RMDN1: variants seen among roughly 807,000 people sequenced by gnomAD.
The protein encoded by RMDN1 is regulator of microtubule dynamics protein 1.
In RMDN1, 48 loss-of-function variants were observed where a neutral mutation model predicts 48.9. The ratio of observed to expected loss-of-function variants is 0.98; its 90% CI spans 0.78 to 1.25. The LOEUF is 1.25. RMDN1 is among the 50% of genes most tolerant of loss of function. The probability of loss-of-function intolerance (pLI) is 0.00; values close to 1 mark genes in which losing one functional copy is unlikely to be tolerated. For missense variants in RMDN1, 418 were observed against 373.4 expected (o/e 1.12, Z -0.98); for synonymous variants, 148 against 132.6 (o/e 1.12, Z -0.80).
chr8:86,505,419 C>G (rs1819157142), intron 2 of RMDN1: 1 of 455,234 alleles, frequency 2.2e-6, no homozygotes, highest in African/African-American at 2.0e-5. Context: ...CGCAGTTCCC[C>G]CAACCTCAGA....
At chr8:86,504,051 C>T (rs1818857616) in intron 2 of RMDN1, 3 of 836,160 alleles carry the variant, frequency 3.6e-6, no homozygotes, top group Non-Finnish European at 6.4e-6. Context: ...GCACTCTCAA[C>T]CAGCTGGGCA....
At chr8:86,496,813 CT>C (rs1817435773) in intron 2 of RMDN1, among the ~76,000 whole-genome samples, 1 of 152,030 alleles carries the variant, frequency 6.6e-6, no homozygotes, top group South Asian at 2.1e-4. Flanking sequence ...ACAAGGTACC[CT>C]ACCCAAGAAC....
rs150282224 is a variant in RMDN1, at chr8:86,474,323, G to T, written c.930C>A (p.Phe310Leu). ...QTEAAQLLTS[F>L]SEKN is the part of the protein sequence containing the mutation. ...TGAAAAGTTCTCAATTCTTCTCACT[G>T]AAACTTGTAAGCAACTGAGCAGCTT... is the stretch of plus-strand genomic sequence containing the variant. The change falls in exon 10 of 10, where the codon TTC (phenylalanine) becomes TTA (leucine). Residue 310 changes from phenylalanine to leucine, a missense_variant. By Grantham distance (22) the Phe-to-Leu change is conservative. Transcript: ENST00000406452. 1.4e-5 allele frequency: 22 copies of T among 1,613,676 alleles called. No homozygotes were observed. In the East Asian group the frequency reaches 4.7e-4, roughly 34 times the overall value.
chr8:86,504,753 T>C, intron 2 of RMDN1: 1 of 1,057,742 alleles, frequency 9.5e-7, no homozygotes. Flanking sequence ...GGCCGAACTC[T>C]TCAGCCAGGG....
chr8:86,512,724 A>AGTAGGCAATGAGGAT (rs6150687), upstream of RMDN1, among the ~76,000 whole-genome samples: 1 of 152,036 alleles, frequency 6.6e-6, no homozygotes, highest in Admixed American at 6.6e-5. Context: ...CAATGCACAT[A>AGTAGGCAATGAGGAT]GTGTTTGTTG....
downstream of RMDN1, chr8:86,468,440 A>T: frequency 2.3e-6 from 1 of 439,408 alleles, no homozygotes; most frequent in Non-Finnish European, 4.5e-6. Context: ...AATTAAAAAA[A>T]AAATTCTAAT....
chr8:86,508,661 G>A lies in RMDN1; in HGVS notation c.-41C>T. On this transcript the variant is annotated 5_prime_UTR_variant, in exon 1 of 10. Transcript: ENST00000406452. ...GGCTGACCCTGCACTACTTCAGGCA[G>A]CTACGGAGGCGGGCGGGGCTAAAGG... is the stretch of plus-strand genomic sequence containing the variant. 1.9e-6 allele frequency: 3 copies of A among 1,558,254 alleles called. No individual in the cohort carries two copies. The highest frequency in any genetic ancestry group is 1.4e-5 in the African/African-American group (1 of 73,046).
intron 2 of RMDN1, among the ~76,000 whole-genome samples, chr8:86,496,763 G>T: frequency 6.6e-6 from 1 of 152,146 alleles, no homozygotes; most frequent in South Asian, 2.1e-4. Context: ...AAATATTCAG[G>T]ATCTAAAGTT....
chr8:86,498,241 G>A (rs1348455976), intron 2 of RMDN1, among the ~76,000 whole-genome samples: 2 of 148,324 alleles, frequency 1.3e-5, no homozygotes, highest in Admixed American at 7.0e-5. Context: ...TAACAAGTTC[G>A]AAAATTGAAT....
At chr8:86,503,517 T>C (rs1043335550) in intron 2 of RMDN1, 8 of 218,468 alleles carry the variant, frequency 3.7e-5, no homozygotes, top group Admixed American at 1.5e-4. Context: ...GAAAAAGTTA[T>C]CTCTGGAATC....
At chr8:86,508,204 T>C in intron 1 of RMDN1, 1 of 378,632 alleles carries the variant, frequency 2.6e-6, no homozygotes, top group African/African-American at 2.1e-5. Flanking sequence ...GCGGTCAAGG[T>C]TCTTTCCCGT....
At chr8:86,496,807 G>A (rs1365802548) in intron 2 of RMDN1, among the ~76,000 whole-genome samples, 6 of 151,866 alleles carry the variant, frequency 4.0e-5, no homozygotes, top group South Asian at 2.1e-4. Context: ...ACATCTACAA[G>A]GTACCCTACC....
chr8:86,505,086 T>C (rs541314531), intron 2 of RMDN1: 2 of 1,389,786 alleles, frequency 1.4e-6, no homozygotes, highest in South Asian at 1.3e-5. Context: ...TCCTTCCACC[T>C]CCCTCCCAGC....
At chr8:86,489,315 T>C (rs1816039570) in intron 2 of RMDN1, among the ~76,000 whole-genome samples, 1 of 152,144 alleles carries the variant, frequency 6.6e-6, no homozygotes, top group Non-Finnish European at 1.5e-5. Context: ...AATTTATATA[T>C]GACTACAAAA....
At chr8:86,499,245 G>A (rs374050207) in intron 2 of RMDN1, among the ~76,000 whole-genome samples, 2 of 152,030 alleles carry the variant, frequency 1.3e-5, no homozygotes, top group Non-Finnish European at 2.9e-5. Context: ...GAAAGGAAAG[G>A]CATCCAAATA....
downstream of RMDN1, among the ~76,000 whole-genome samples, chr8:86,469,484 G>C (rs559353005): frequency 2.2e-4 from 33 of 152,214 alleles, no homozygotes; most frequent in African/African-American, 7.5e-4. Flanking sequence ...TGTCACCTGG[G>C]GAGATACCAT....
intron 5 of RMDN1, chr8:86,482,907 A>G: frequency 1.0e-6 from 1 of 965,264 alleles, no homozygotes; most frequent in South Asian, 1.3e-5. Flanking sequence ...GACCTCTGAT[A>G]CATCTGGCTG....
upstream of RMDN1, among the ~76,000 whole-genome samples, chr8:86,513,615 T>G (rs1045572102): frequency 1.3e-5 from 2 of 152,184 alleles, no homozygotes; most frequent in African/African-American, 4.8e-5. Context: ...TTGTGTGACT[T>G]CAGAAAAGTA....
In RMDN1 at chr8:86,504,577, C is replaced by T. The variant is rs140960514; in HGVS notation, c.247+2418G>A. 5.3e-5 allele frequency: 61 copies of T among 1,147,870 alleles called. No homozygotes were observed. In the African/African-American group the frequency reaches 6.4e-4, roughly 12 times the overall value. 71.1% of individuals were successfully genotyped at this position (1,147,870 alleles called of 1,614,324 possible). A position where few individuals can be genotyped will look rare whatever the true frequency, so the allele number is the denominator to read the frequency against. On this transcript the variant is annotated intron_variant, in intron 2 of 9. Coordinates refer to ENST00000406452, the MANE Select transcript of RMDN1 (RefSeq NM_016033.3). ...ATTTCTGCTGCAAAGGGCAGGAAGGCGGACCCTGCATATGATAGGCCTTGG... is the reference window on the plus strand; with the variant it reads ...ATTTCTGCTGCAAAGGGCAGGAAGGTGGACCCTGCATATGATAGGCCTTGG...
Sources: gnomAD v4.1 joint callset for allele counts (sites outside exome capture counted in the v4.1 genomes callset) on GRCh38, gnomAD v4.1.1 for gene constraint, MANE v1.5 for transcripts, NCBI Gene and HGNC (gene_info 2026-07-23, HGNC 2026-07-21) for gene names.